The following GEMIN2 variants were observed in gnomAD, a reference collection of about 807,000 sequenced individuals.
GEMIN2 encodes the protein gem-associated protein 2.
A neutral mutation model predicts 45.8 loss-of-function variants in GEMIN2; 37 were observed. That is an observed-to-expected ratio of 0.81 (90% CI 0.62 to 1.06). The LOEUF is 1.06. Ranked by LOEUF, GEMIN2 falls within the 50% of genes least tolerant of loss-of-function variation. The pLI is 0.00. For synonymous variants in GEMIN2, 101 were observed against 111.5 expected, an observed-to-expected ratio of 0.91 and a Z score of 0.60; for missense variants, 335 against 321.8, an observed-to-expected ratio of 1.04 and a Z score of -0.31.
chr14:39,120,110 A>G (rs2052557065), intron 4 of GEMIN2, among the ~76,000 whole-genome samples: 1 of 152,234 alleles, frequency 6.6e-6, no homozygotes, highest in African/African-American at 2.4e-5. Flanking sequence ...AAATTTTGTC[A>G]AAAATGGAAA....
intron 3 of GEMIN2, 139 bp downstream of exon 3, chr14:39,118,227 T>C: frequency 2.0e-6 from 1 of 492,596 alleles, no homozygotes. Flanking sequence ...TTATAATCAT[T>C]AGACATGATA....
chr14:39,121,778 A>G (rs2052575509), intron 4 of GEMIN2: 1 of 153,864 alleles, frequency 6.5e-6, no homozygotes, highest in African/African-American at 2.4e-5. Flanking sequence ...CAATGACGCA[A>G]TCTCTGCTCA....
intron 8 of GEMIN2, among the ~76,000 whole-genome samples, chr14:39,132,975 GGT>G (rs67749459): frequency 0.56 from 78,169 of 139,952 alleles, 22,458 homozygotes; most frequent in Non-Finnish European, 0.63. Context: ...TACTGCACCT[GGT>G]GTGTGTGTGT....
chr14:39,124,971 C>A (rs749992741), intron 5 of GEMIN2, 21 bp from the exon 6 acceptor site: 2 of 1,332,952 alleles, frequency 1.5e-6, no homozygotes, highest in Non-Finnish European at 2.1e-6. Context: ...TAGTAAAATT[C>A]AGTCTCATTT....
chr14:39,114,882 A>T lies in GEMIN2; in HGVS notation c.191A>T (p.Lys64Met). 2 of 1,574,360 alleles carry T rather than the reference A, an allele frequency of 1.3e-6. No individual in the cohort carries two copies. The highest frequency in any genetic ancestry group is 1.7e-6 in the Non-Finnish European group (2 of 1,143,704). ...GTGGTAGCTCAAATTGACCCAAAGA[A>T]GTTGAAAAGGAAGCAAAGTGTGAAT... ...DVVVAQIDPK[K>M]LKRKQSVNIS... Residue 64 changes from lysine (K) to methionine (M), a missense_variant, in exon 2 of 10, where the codon AAG becomes ATG. Physicochemically the swap from Lys to Met is moderately conservative, Grantham distance 95. Coordinates refer to ENST00000308317, the MANE Select transcript of GEMIN2 (RefSeq NM_003616.3).
intron 4 of GEMIN2, among the ~76,000 whole-genome samples, chr14:39,118,870 G>C (rs1010821116): frequency 5.3e-5 from 8 of 151,122 alleles, no homozygotes; most frequent in African/African-American, 2.0e-4. Flanking sequence ...GACCTCCTGG[G>C]CTCAAGTGAT....
intron 5 of GEMIN2, among the ~76,000 whole-genome samples, chr14:39,124,545 T>A (rs575400890): frequency 9.9e-5 from 15 of 152,198 alleles, no homozygotes; most frequent in Admixed American, 5.2e-4. Context: ...CTCTGGCAGG[T>A]AGATCACTTG....
intron 4 of GEMIN2, among the ~76,000 whole-genome samples, chr14:39,120,439 T>C (rs2052560174): frequency 6.6e-6 from 1 of 152,166 alleles, no homozygotes; most frequent in Non-Finnish European, 1.5e-5. Flanking sequence ...AACATTTGTT[T>C]ATTAATTGAT....
At chr14:39,122,588 G>C in intron 5 of GEMIN2, 45 bp downstream of exon 5, 1 of 1,026,468 alleles carries the variant, frequency 9.7e-7, no homozygotes, top group Non-Finnish European at 1.5e-6. Flanking sequence ...TTTTAATTTT[G>C]GTGCACCACT....
At chr14:39,131,229 A>G (rs8009864) in intron 7 of GEMIN2, among the ~76,000 whole-genome samples, 4,569 of 152,128 alleles carry the variant, frequency 0.03, 235 homozygotes, top group African/African-American at 0.1. Flanking sequence ...CCCGGGAGGC[A>G]GAGGTTGCAG....
Position 39,136,711 on chromosome 14 carries a change from G to A in GEMIN2, c.*232G>A, listed in dbSNP as rs1351724538. ...TGATGAACAGTTTGAACAGTTTTCT[G>A]TAATCAAGCAGCTTGCATAGAAATT... On this transcript the variant is annotated 3_prime_UTR_variant, in exon 10 of 10. Coordinates refer to ENST00000308317, the MANE Select transcript of GEMIN2 (RefSeq NM_003616.3). 4.8e-6 allele frequency: 2 copies of A among 419,586 alleles called. No homozygotes were observed. Among genetic ancestry groups the A allele is most frequent in the African/African-American group, 4.1e-5 (2 of 48,682 alleles). The allele number at this position is 419,586 out of a possible 1,614,324, so 26.0% of individuals were successfully genotyped here. A position where few individuals can be genotyped will look rare whatever the true frequency, so the allele number is the denominator to read the frequency against.
At chr14:39,127,090 C>CCTTTTT (rs760714095) in intron 6 of GEMIN2, among the ~76,000 whole-genome samples, 1 of 124,576 alleles carries the variant, frequency 8.0e-6, no homozygotes, top group African/African-American at 3.0e-5. Context: ...ACAAATACAT[C>CCTTTTT]TTTTTTTTTT....
At chr14:39,135,701 G>A (rs1033783073) in intron 9 of GEMIN2, among the ~76,000 whole-genome samples, 10 of 152,106 alleles carry the variant, frequency 6.6e-5, no homozygotes, top group African/African-American at 2.4e-4. Context: ...AGGGGTTCAA[G>A]AATGCAGTGA....
At chr14:39,133,028 A>G (rs28701960) in intron 8 of GEMIN2, among the ~76,000 whole-genome samples, 9,210 of 122,662 alleles carry the variant, frequency 0.075, 497 homozygotes, top group East Asian at 0.32. Flanking sequence ...GTGTGTGTGT[A>G]TATATATATA....
chr14:39,134,253 C>G (rs2052756515), intron 9 of GEMIN2: 1 of 152,076 alleles, frequency 6.6e-6, no homozygotes, highest in Non-Finnish European at 1.5e-5. Flanking sequence ...GAGTCTCGCT[C>G]TGTTGCCCAG....
intron 2 of GEMIN2, among the ~76,000 whole-genome samples, chr14:39,116,537 C>G (rs2052509706): frequency 6.6e-6 from 1 of 151,954 alleles, no homozygotes; most frequent in South Asian, 2.1e-4. Context: ...CTGCCTCAGC[C>G]TCCCGAGTAG....
chr14:39,117,365 T>C (rs1187540894), intron 2 of GEMIN2, among the ~76,000 whole-genome samples: 2 of 152,198 alleles, frequency 1.3e-5, no homozygotes, highest in Non-Finnish European at 2.9e-5. Flanking sequence ...TTTAATTTTA[T>C]TGATACATAA....
chr14:39,128,406 A>G (rs2052673614), intron 7 of GEMIN2, 58 bp downstream of exon 7: 1 of 825,646 alleles, frequency 1.2e-6, no homozygotes, highest in African/African-American at 1.7e-5. Context: ...TTTTGGGTCA[A>G]CTGTGGGCCA....
At chr14:39,114,977 C>G (rs1318533849) in intron 2 of GEMIN2, 64 bp downstream of exon 2, 1 of 789,604 alleles carries the variant, frequency 1.3e-6, no homozygotes, top group South Asian at 1.4e-5. Context: ...AACGCTCTTC[C>G]TATAGTATCT....
Sources: gnomAD v4.1 joint callset for allele counts (sites outside exome capture counted in the v4.1 genomes callset) on GRCh38, gnomAD v4.1.1 for gene constraint, MANE v1.5 for transcripts, NCBI Gene and HGNC (gene_info 2026-07-23, HGNC 2026-07-21) for gene names.